VWA3B: variants seen among roughly 807,000 people sequenced by gnomAD.
VWA3B encodes von Willebrand factor A domain containing 3B, also known as von Willebrand factor A domain-containing protein 3B.
A neutral mutation model predicts 158.3 loss-of-function variants in VWA3B; 138 were observed. That is an observed-to-expected ratio of 0.87 (90% confidence interval 0.76 to 1.00). The LOEUF (loss-of-function observed/expected upper bound fraction) is 1.00. VWA3B is among the 50% of genes least tolerant of loss of function. VWA3B has a pLI of 0.00. For synonymous variants in VWA3B, 596 were observed against 587.3 expected (o/e 1.01, Z -0.21); for missense variants, 1,555 against 1,565.1 (o/e 0.99, Z 0.11).
chr2:98,116,330 A>G (rs1239732360), intron 3 of VWA3B, among the ~76,000 whole-genome samples: 1 of 152,194 alleles, frequency 6.6e-6, no homozygotes, highest in African/African-American at 2.4e-5. Flanking sequence ...TAATATTTAG[A>G]AAATTTAAGT....
intron 16 of VWA3B, among the ~76,000 whole-genome samples, chr2:98,234,172 A>G (rs1685519524): frequency 6.6e-6 from 1 of 152,252 alleles, no homozygotes; most frequent in Admixed American, 6.5e-5. Context: ...AGAGTTATCT[A>G]GGTGAGTCCA....
chr2:98,181,186 G>T lies in VWA3B; in HGVS notation c.1285G>T (p.Glu429Ter), dbSNP rs1680547823. ...GGTTGTGGATATAAAAGCCAAACCGGAGAATGAGTCCGTGCAGACCAGTGC... is the reference window on the plus strand; with the variant it reads ...GGTTGTGGATATAAAAGCCAAACCGTAGAATGAGTCCGTGCAGACCAGTGC... ...DGVVDIKAKP[E>*]NESVQTSAET... is the part of the protein sequence containing the mutation. The change falls in exon 9 of 28, where the codon GAG becomes TAG. Residue 429 changes from glutamate to a stop codon, truncating the protein, a stop_gained. Transcript: ENST00000477737. LOFTEE classifies it high-confidence loss of function. The T allele has an allele frequency of 6.2e-7, 1 of 1,614,200 alleles. No homozygotes were observed. Among genetic ancestry groups the T allele is most frequent in the Admixed American group, 1.7e-5 (1 of 60,028 alleles).
intron 12 of VWA3B, among the ~76,000 whole-genome samples, chr2:98,197,496 TACA>T (rs1322504298): frequency 1.1e-4 from 17 of 152,228 alleles, no homozygotes; most frequent in Admixed American, 1.0e-3. Flanking sequence ...GGATCATCCT[TACA>T]ACAATTATTA....
intron 21 of VWA3B, among the ~76,000 whole-genome samples, chr2:98,269,029 AG>A: frequency 6.6e-6 from 1 of 152,304 alleles, no homozygotes; most frequent in South Asian, 2.1e-4. Flanking sequence ...GGACTGGTCA[AG>A]AATATATCTC....
At chr2:98,196,911 C>T (rs1682096240) in intron 12 of VWA3B, among the ~76,000 whole-genome samples, 1 of 152,212 alleles carries the variant, frequency 6.6e-6, no homozygotes, top group Admixed American at 6.5e-5. Flanking sequence ...TTACCCTTCA[C>T]CTAGCTTTCT....
chr2:98,191,542 C>A (rs565872365), intron 10 of VWA3B, among the ~76,000 whole-genome samples: 1 of 152,176 alleles, frequency 6.6e-6, no homozygotes, highest in African/African-American at 2.4e-5. Context: ...GATCTAGGGT[C>A]GCCTTTAGCC....
At chr2:98,263,250 C>T (rs1053099824) in intron 21 of VWA3B, among the ~76,000 whole-genome samples, 3 of 151,778 alleles carry the variant, frequency 2.0e-5, no homozygotes, top group Non-Finnish European at 2.9e-5. Flanking sequence ...GGATATTGCT[C>T]CTTTCTTTTT....
chr2:98,256,275 T>C (rs1241974558), intron 21 of VWA3B, 101 bp downstream of exon 21: 6 of 1,306,924 alleles, frequency 4.6e-6, no homozygotes, highest in Non-Finnish European at 6.3e-6. Context: ...ATTTAAAATA[T>C]TCAAAATGTT....
chr2:98,098,605 C>T (rs1682872632), intron 2 of VWA3B, among the ~76,000 whole-genome samples: 1 of 152,032 alleles, frequency 6.6e-6, no homozygotes, highest in Non-Finnish European at 1.5e-5. Context: ...TGTGTCCTTA[C>T]AGGTGAAGTT....
At chr2:98,301,834 G>A (rs1690212921) in intron 25 of VWA3B, among the ~76,000 whole-genome samples, 1 of 152,098 alleles carries the variant, frequency 6.6e-6, no homozygotes, top group Non-Finnish European at 1.5e-5. Context: ...TGGAATCTTT[G>A]TTGACAGGAA....
intron 9 of VWA3B, among the ~76,000 whole-genome samples, chr2:98,186,760 G>A (rs1681098901): frequency 6.6e-6 from 1 of 151,902 alleles, no homozygotes; most frequent in Admixed American, 6.6e-5. Context: ...TTCTGCCCTT[G>A]GTCCTCGGCC....
intron 26 of VWA3B, among the ~76,000 whole-genome samples, chr2:98,309,150 A>G (rs1690721494): frequency 6.6e-6 from 1 of 150,904 alleles, no homozygotes; most frequent in South Asian, 2.1e-4. Context: ...AGCCTGGGCG[A>G]CAGAGCGAGA....
At chr2:98,254,441 C>T (rs1223796837) in intron 20 of VWA3B, among the ~76,000 whole-genome samples, 8 of 152,106 alleles carry the variant, frequency 5.3e-5, no homozygotes, top group African/African-American at 1.9e-4. Flanking sequence ...ACCTAAAATG[C>T]GTACTATAAA....
In VWA3B at chr2:98,181,046, C is replaced by T. The variant is rs114266684; in HGVS notation, c.1145C>T (p.Ser382Leu). ...GAAACAACCTCTGTTGAGATTGCAT[C>T]GAATCCAGAAGACACCTGGGACTCT... ...ESETTSVEIA[S>L]NPEDTWDSKT... The change falls in exon 9 of 28, where the codon TCG (serine) becomes TTG (leucine). Residue 382 changes from serine to leucine, a missense_variant. Ser to Leu is a moderately radical substitution (Grantham distance 145). Transcript: ENST00000477737. 1,074 of 1,614,166 alleles carry T rather than the reference C, an allele frequency of 6.7e-4. 2 individuals are homozygous for T. The African/African-American group carries it at 0.012, about 18-fold the overall frequency.
At chr2:98,266,859 G>A (rs1243221877) in intron 21 of VWA3B, among the ~76,000 whole-genome samples, 17 of 148,680 alleles carry the variant, frequency 1.1e-4, no homozygotes, top group African/African-American at 4.0e-4. Flanking sequence ...TCTGTTATTG[G>A]TGTATAAGAA....
At chr2:98,159,780 G>T (rs1430238757) in intron 7 of VWA3B, among the ~76,000 whole-genome samples, 1 of 151,846 alleles carries the variant, frequency 6.6e-6, no homozygotes, top group African/African-American at 2.4e-5. Flanking sequence ...ACTTTGGGAG[G>T]CTGAGGCGGG....
intron 5 of VWA3B, 33 bp downstream of exon 5, chr2:98,121,491 T>C (rs776048668): frequency 6.2e-7 from 1 of 1,601,742 alleles, no homozygotes; most frequent in South Asian, 1.1e-5. Context: ...CCCCAGGCCA[T>C]GGAGGTGGCT....
At chr2:98,112,714 T>C (rs1426821812) in intron 2 of VWA3B, among the ~76,000 whole-genome samples, 1 of 152,066 alleles carries the variant, frequency 6.6e-6, no homozygotes, top group Admixed American at 6.6e-5. Context: ...TTTTCAACTA[T>C]TATTTCTTCT....
chr2:98,288,081 C>A (rs765342380), intron 22 of VWA3B, among the ~76,000 whole-genome samples: 3 of 152,214 alleles, frequency 2.0e-5, no homozygotes, highest in Non-Finnish European at 4.4e-5. Flanking sequence ...AATTCAAGGT[C>A]TTGATCTGAT....
Sources: allele counts gnomAD v4.1 joint callset (sites outside exome capture counted in the v4.1 genomes callset), GRCh38; gene constraint gnomAD v4.1.1; transcripts MANE v1.5; gene names NCBI Gene and HGNC (gene_info 2026-07-23, HGNC 2026-07-21).